Variants in CFAP299 observed in about 807,000 individuals in gnomAD.
The protein encoded by CFAP299 is cilia- and flagella-associated protein 299.
A neutral mutation model predicts 27.0 loss-of-function variants in CFAP299; 21 were observed. That is an observed-to-expected ratio of 0.78 (90% CI 0.55 to 1.12). The LOEUF is 1.12. Ranked by LOEUF, CFAP299 falls within the 50% of genes most tolerant of loss-of-function variation. The pLI is 0.00. For missense variants in CFAP299, 310 were observed against 276.6 expected (o/e 1.12, Z -0.86); for synonymous variants, 104 against 98.1 (o/e 1.06, Z -0.36).
intron 3 of CFAP299, among the ~76,000 whole-genome samples, chr4:80,610,484 G>A (rs1577929855): frequency 6.6e-6 from 1 of 152,120 alleles, no homozygotes; most frequent in East Asian, 1.9e-4. Context: ...CTAGGTCACT[G>A]TCACATTCTT....
At chr4:80,609,744 A>G (rs1308171352) in intron 3 of CFAP299, among the ~76,000 whole-genome samples, 1 of 151,954 alleles carries the variant, frequency 6.6e-6, no homozygotes, top group Non-Finnish European at 1.5e-5. Flanking sequence ...CTGTTTTGGT[A>G]GTTCTCTAGT....
At chr4:80,686,325 A>G (rs1720191848) in intron 3 of CFAP299, among the ~76,000 whole-genome samples, 1 of 152,196 alleles carries the variant, frequency 6.6e-6, no homozygotes, top group East Asian at 1.9e-4. Flanking sequence ...GGGCTTAGAG[A>G]GCAGAAGAAG....
At chr4:80,805,402 T>C (rs926470104) in intron 3 of CFAP299, among the ~76,000 whole-genome samples, 9 of 152,172 alleles carry the variant, frequency 5.9e-5, no homozygotes, top group Non-Finnish European at 1.3e-4. Flanking sequence ...AATTAAATGC[T>C]TTATCAAAGC....
intron 2 of CFAP299, among the ~76,000 whole-genome samples, chr4:80,439,523 A>G (rs938416765): frequency 6.6e-6 from 1 of 152,164 alleles, no homozygotes; most frequent in African/African-American, 2.4e-5. Context: ...CCCAGATACT[A>G]TGCTTTTCCC....
intron 4 of CFAP299, among the ~76,000 whole-genome samples, chr4:80,915,731 A>AT (rs1416880394): frequency 1.3e-5 from 2 of 151,656 alleles, no homozygotes; most frequent in Admixed American, 1.3e-4. Flanking sequence ...GAGTTCACTG[A>AT]TTTTTTTCCT....
chr4:80,432,595 C>T (rs763762441), intron 2 of CFAP299, among the ~76,000 whole-genome samples: 51 of 144,994 alleles, frequency 3.5e-4, no homozygotes, highest in Admixed American at 1.1e-3. Context: ...TGCAGTGACT[C>T]AACCTCAGCT....
intron 2 of CFAP299, among the ~76,000 whole-genome samples, chr4:80,444,232 G>A (rs529940083): frequency 3.3e-5 from 5 of 152,242 alleles, no homozygotes; most frequent in African/African-American, 9.6e-5. Context: ...ACAATGCTAA[G>A]CAAAAAGAAC....
rs76054499 is a variant in CFAP299 at position 80,914,674 on chromosome 4, G to A, written c.477-30136G>A. On this transcript the variant is annotated intron_variant, in intron 4 of 5. Transcript: ENST00000358105. The stretch of plus-strand genomic sequence containing the variant: ...TGCATGAGCTTATATATAGGACCCT[G>A]CAGGTTATTTATTTCCTCAGTGGAG... Among the ~76,000 whole-genome samples, 1,059 of 152,268 alleles carry A rather than the reference G, an allele frequency of 7.0e-3. 6 individuals carry two copies. The highest frequency in any genetic ancestry group is 0.011 in the Non-Finnish European group (756 of 68,004).
chr4:80,924,210 C>A (rs1736185963), intron 4 of CFAP299, among the ~76,000 whole-genome samples: 1 of 152,060 alleles, frequency 6.6e-6, no homozygotes, highest in East Asian at 1.9e-4. Context: ...TTTTGTGAAA[C>A]TTTTGTTCAC....
chr4:80,770,636 T>G (rs1726158674), intron 3 of CFAP299, among the ~76,000 whole-genome samples: 1 of 152,226 alleles, frequency 6.6e-6, no homozygotes. Context: ...AAAAAATGTG[T>G]ATACATATTT....
intron 2 of CFAP299, among the ~76,000 whole-genome samples, chr4:80,506,418 T>C (rs1479720827): frequency 6.6e-6 from 1 of 152,158 alleles, no homozygotes; most frequent in Non-Finnish European, 1.5e-5. Context: ...AGGGGGAATC[T>C]AATTGAAGTT....
chr4:80,401,878 G>A (rs1332855598), intron 2 of CFAP299, among the ~76,000 whole-genome samples: 2 of 152,212 alleles, frequency 1.3e-5, no homozygotes, highest in East Asian at 3.9e-4. Context: ...CCACAGGGAT[G>A]GAGCTGCCAA....
chr4:80,595,405 A>G (rs1287642327), intron 3 of CFAP299, among the ~76,000 whole-genome samples: 1 of 152,174 alleles, frequency 6.6e-6, no homozygotes, highest in African/African-American at 2.4e-5. Flanking sequence ...TTCACCTGCA[A>G]TTACCATTCT....
intron 1 of CFAP299, among the ~76,000 whole-genome samples, chr4:80,358,909 A>G (rs979371061): frequency 6.6e-6 from 1 of 152,116 alleles, no homozygotes; most frequent in African/African-American, 2.4e-5. Flanking sequence ...GTTGCTTCAT[A>G]GTGTCACTAG....
At chr4:80,453,785 G>A (rs917612998) in intron 2 of CFAP299, among the ~76,000 whole-genome samples, 30 of 149,800 alleles carry the variant, frequency 2.0e-4, no homozygotes, top group Non-Finnish European at 2.1e-4. Flanking sequence ...AGGTAGTGGT[G>A]AGCCAAGATC....
chr4:80,853,754 T>C (rs1181241734), intron 3 of CFAP299, among the ~76,000 whole-genome samples: 7 of 152,148 alleles, frequency 4.6e-5, no homozygotes, highest in Non-Finnish European at 8.8e-5. Context: ...TCATGAAAAG[T>C]AGGCATCAAG....
chr4:80,390,872 TATATGTATATATGTATATACACAC>T lies in CFAP299; in HGVS notation c.242+27994_242+28017del, dbSNP rs1560543888. Among the ~76,000 whole-genome samples the T allele has an allele frequency of 4.3e-5, 4 of 94,092 alleles. 1 individual carries two copies. The highest frequency in any genetic ancestry group is 1.4e-4 in the Admixed American group (1 of 6,910). 61.7% of individuals were successfully genotyped at this position (94,092 alleles called of 152,430 possible). The stretch of plus-strand genomic sequence containing the variant: ...ATATATGTATATGTATATGCGCACA[TATATGTATATATGTATATACACAC>T]ATATGCATATATGTATATACACACA... On this transcript the variant is annotated intron_variant, in intron 2 of 5. Coordinates refer to ENST00000358105, the MANE Select transcript of CFAP299 (RefSeq NM_152770.3).
At chr4:80,824,434 A>G (rs1420832255) in intron 3 of CFAP299, among the ~76,000 whole-genome samples, 1 of 152,114 alleles carries the variant, frequency 6.6e-6, no homozygotes, top group Non-Finnish European at 1.5e-5. Context: ...AGAAGTACAG[A>G]CACATAGGTA....
At chr4:80,578,417 T>A (rs886659689) in intron 2 of CFAP299, among the ~76,000 whole-genome samples, 1 of 152,198 alleles carries the variant, frequency 6.6e-6, no homozygotes, top group East Asian at 1.9e-4. Flanking sequence ...GTAACATTTT[T>A]TTCTCTGCTT....
Sources: gnomAD v4.1 joint callset for allele counts (sites outside exome capture counted in the v4.1 genomes callset) on GRCh38, gnomAD v4.1.1 for gene constraint, MANE v1.5 for transcripts, NCBI Gene and HGNC (gene_info 2026-07-23, HGNC 2026-07-21) for gene names.